Variants in CNTNAP2 observed in about 807,000 individuals in gnomAD.
The protein encoded by CNTNAP2 is contactin associated protein 2, also known as contactin-associated protein-like 2.
A neutral mutation model predicts 155.2 loss-of-function variants in CNTNAP2; 98 were observed. The ratio of observed to expected loss-of-function variants is 0.63; its 90% confidence interval spans 0.54 to 0.75. The LOEUF (loss-of-function observed/expected upper bound fraction) is 0.75, where lower values mean the gene tolerates loss of function less well. Ranked by LOEUF, CNTNAP2 falls within the 30% of genes least tolerant of loss-of-function variation. CNTNAP2 has a pLI of 0.00. For synonymous variants in CNTNAP2, 651 were observed against 631.2 expected (o/e 1.03, Z -0.47); for missense variants, 1,727 against 1,688.1 (o/e 1.02, Z -0.40).
rs1277235702 is a variant in CNTNAP2, at chr7:147,128,784, G to T, written c.1031G>T (p.Gly344Val). The T allele has an allele frequency of 1.2e-6, 2 of 1,614,012 alleles. No homozygotes were observed. The highest frequency in any genetic ancestry group is 2.2e-5 in the South Asian group (2 of 91,086). ...TGCATGGAAAGCATCAACTACAATG[G>T]CGTCAACATTACTGATCTTGCCAGA... is the stretch of plus-strand genomic sequence containing the variant. Reference protein sequence around the residue: ...KGCMESINYNGVNITDLARRK... With the variant: ...KGCMESINYNVVNITDLARRK... Residue 344 changes from glycine (G) to valine (V), a missense_variant, in exon 7 of 24, where the codon GGC (glycine) becomes GTC (valine). Physicochemically the swap from Gly to Val is moderately radical, Grantham distance 109. Coordinates refer to ENST00000361727, the MANE Select transcript of CNTNAP2 (RefSeq NM_014141.6).
intron 10 of CNTNAP2, among the ~76,000 whole-genome samples, chr7:147,415,921 C>A (rs1349114850): frequency 6.6e-6 from 1 of 152,132 alleles, no homozygotes. Context: ...ACTAGAGAAA[C>A]TTCTTGATTC....
At chr7:146,990,617 T>C (rs1252042549) in intron 3 of CNTNAP2, among the ~76,000 whole-genome samples, 1 of 152,250 alleles carries the variant, frequency 6.6e-6, no homozygotes, top group African/African-American at 2.4e-5. Flanking sequence ...AAAACCTTGT[T>C]CATAATTAAA....
chr7:147,388,263 A>G (rs1796654813), intron 9 of CNTNAP2, among the ~76,000 whole-genome samples: 1 of 152,120 alleles, frequency 6.6e-6, no homozygotes, highest in Non-Finnish European at 1.5e-5. Flanking sequence ...TGGGCACTTC[A>G]TTACTTTTTG....
intron 9 of CNTNAP2, among the ~76,000 whole-genome samples, chr7:147,390,387 C>G (rs932621659): frequency 3.3e-5 from 5 of 152,146 alleles, no homozygotes; most frequent in African/African-American, 1.2e-4. Context: ...TTTATTATCT[C>G]TTACTTTTCT....
intron 13 of CNTNAP2, among the ~76,000 whole-genome samples, chr7:147,887,455 G>A (rs976531589): frequency 1.3e-5 from 2 of 152,232 alleles, no homozygotes; most frequent in African/African-American, 4.8e-5. Context: ...TGAGGGACAA[G>A]AGCAAGACTT....
chr7:148,097,022 T>A (rs899984887), intron 15 of CNTNAP2, among the ~76,000 whole-genome samples: 3 of 152,164 alleles, frequency 2.0e-5, no homozygotes, highest in Non-Finnish European at 2.9e-5. Flanking sequence ...GCCAAATCCA[T>A]GCTCCAGGAA....
chr7:147,329,622 AG>A (rs1795521130), intron 9 of CNTNAP2, among the ~76,000 whole-genome samples: 1 of 152,092 alleles, frequency 6.6e-6, no homozygotes, highest in Non-Finnish European at 1.5e-5. Context: ...AGTATGGAGG[AG>A]GGCAGAGGGC....
At chr7:147,949,459 T>TATATATATATATATATATA (rs1554453475) in intron 14 of CNTNAP2, among the ~76,000 whole-genome samples, 100 of 129,780 alleles carry the variant, frequency 7.7e-4, no homozygotes, top group Non-Finnish European at 9.2e-4. Context: ...TATATATATA[T>TATATATATATATATATATA]TTTTTTTTTT....
At chr7:147,465,451 T>C (rs4726865) in intron 10 of CNTNAP2, among the ~76,000 whole-genome samples, 118,279 of 151,350 alleles carry the variant, frequency 0.78, 46,600 homozygotes, top group African/African-American at 0.88. Context: ...TTTGACTTCA[T>C]ATCTTGGCTA....
At chr7:147,008,490 G>A (rs918054188) in intron 3 of CNTNAP2, among the ~76,000 whole-genome samples, 1 of 151,902 alleles carries the variant, frequency 6.6e-6, no homozygotes, top group African/African-American at 2.4e-5. Flanking sequence ...TTCATATTAG[G>A]TTTATTGGTT....
chr7:148,191,061 T>C (rs1365436125), intron 18 of CNTNAP2, among the ~76,000 whole-genome samples: 1 of 152,158 alleles, frequency 6.6e-6, no homozygotes, highest in East Asian at 1.9e-4. Context: ...CTTTGGGCTG[T>C]GCTAAGGATT....
intron 13 of CNTNAP2, among the ~76,000 whole-genome samples, chr7:147,880,802 G>T (rs1201144011): frequency 7.2e-5 from 11 of 151,796 alleles, no homozygotes; most frequent in Admixed American, 7.2e-4. Flanking sequence ...TAATGAAATG[G>T]AAGGAGGAGT....
chr7:146,704,331 A>G (rs1800926710), intron 1 of CNTNAP2, among the ~76,000 whole-genome samples: 1 of 152,120 alleles, frequency 6.6e-6, no homozygotes, highest in African/African-American at 2.4e-5. Context: ...AGATACAGAG[A>G]AGGAGAATAA....
intron 8 of CNTNAP2, among the ~76,000 whole-genome samples, chr7:147,185,416 A>G (rs900567234): frequency 6.6e-6 from 1 of 152,160 alleles, no homozygotes; most frequent in Non-Finnish European, 1.5e-5. Flanking sequence ...GGCACAGAAA[A>G]TTTGTATGAA....
At chr7:147,483,928 G>A (rs558740564) in intron 10 of CNTNAP2, among the ~76,000 whole-genome samples, 12 of 152,122 alleles carry the variant, frequency 7.9e-5, no homozygotes, top group South Asian at 2.1e-4. Flanking sequence ...TGCTTTTCTC[G>A]CCTATTCTGC....
chr7:148,300,660 G>A (rs1017328961), intron 21 of CNTNAP2, among the ~76,000 whole-genome samples: 3 of 151,258 alleles, frequency 2.0e-5, no homozygotes, highest in African/African-American at 7.3e-5. Flanking sequence ...ATAGCAAAAA[G>A]GTGGAAAGAA....
At chr7:147,483,483 T>A (rs1317643009) in intron 10 of CNTNAP2, among the ~76,000 whole-genome samples, 1 of 152,156 alleles carries the variant, frequency 6.6e-6, no homozygotes, top group East Asian at 1.9e-4. Context: ...ATCTTTTCTA[T>A]CATCGAGATG....
At chr7:147,309,743 T>A (rs1323914948) in intron 9 of CNTNAP2, among the ~76,000 whole-genome samples, 2 of 152,112 alleles carry the variant, frequency 1.3e-5, no homozygotes, top group Admixed American at 1.3e-4. Context: ...TTTTTAACTT[T>A]TATTTTTGGT....
chr7:146,460,011 C>T (rs1388952917), intron 1 of CNTNAP2, among the ~76,000 whole-genome samples: 3 of 152,064 alleles, frequency 2.0e-5, no homozygotes, highest in South Asian at 2.1e-4. Context: ...ACAGGGGCTA[C>T]TGGATGCTTG....
Sources: allele counts gnomAD v4.1 joint callset (sites outside exome capture counted in the v4.1 genomes callset), GRCh38; gene constraint gnomAD v4.1.1; transcripts MANE v1.5; gene names NCBI Gene and HGNC (gene_info 2026-07-23, HGNC 2026-07-21).